The following SLC17A5 variants were observed in gnomAD, a reference collection of about 807,000 sequenced individuals.
SLC17A5 encodes the protein sialin.
A neutral mutation model predicts 59.4 loss-of-function variants in SLC17A5; 47 were observed. The ratio of observed to expected loss-of-function variants is 0.79; its 90% confidence interval spans 0.63 to 1.01. The LOEUF (loss-of-function observed/expected upper bound fraction) is 1.01. Among genes scored for constraint, SLC17A5 ranks in the 50% least tolerant of loss-of-function variants. The pLI is 0.00. For missense variants in SLC17A5, 522 were observed against 595.5 expected (o/e 0.88, Z 1.28); for synonymous variants, 202 against 210.7 (o/e 0.96, Z 0.36).
At chr6:73,652,100 A>G (rs77035408) in intron 1 of SLC17A5, among the ~76,000 whole-genome samples, 230 of 152,306 alleles carry the variant, frequency 1.5e-3, no homozygotes, top group African/African-American at 5.3e-3. Flanking sequence ...TAGCAAAAAC[A>G]GTATGTTACT....
intron 2 of SLC17A5, among the ~76,000 whole-genome samples, 196 bp downstream of exon 2, chr6:73,644,211 G>C (rs1333147221): frequency 6.6e-6 from 1 of 152,196 alleles, no homozygotes; most frequent in Non-Finnish European, 1.5e-5. Flanking sequence ...AGATGAAGGT[G>C]TATTACGGCA....
chr6:73,652,953 A>G (rs1769936898), intron 1 of SLC17A5: 4 of 754,726 alleles, frequency 5.3e-6, no homozygotes, highest in African/African-American at 1.9e-5. Flanking sequence ...ACTATATTAC[A>G]AAAGTGTCAA....
intron 2 of SLC17A5, among the ~76,000 whole-genome samples, chr6:73,642,734 G>A (rs1345251390): frequency 1.3e-5 from 2 of 152,214 alleles, no homozygotes; most frequent in East Asian, 3.8e-4. Context: ...AAGCCAACAT[G>A]TCAAGAACCA....
chr6:73,625,009 T>C (rs1184537356), intron 6 of SLC17A5, among the ~76,000 whole-genome samples: 1 of 152,162 alleles, frequency 6.6e-6, no homozygotes, highest in African/African-American at 2.4e-5. Flanking sequence ...GCTAAGACTG[T>C]TGTTTTTCTC....
chr6:73,649,380 G>A (rs1769742389), intron 1 of SLC17A5, among the ~76,000 whole-genome samples: 2 of 152,198 alleles, frequency 1.3e-5, no homozygotes, highest in Non-Finnish European at 2.9e-5. Flanking sequence ...AGATGGGGAA[G>A]GATTGCTTGA....
chr6:73,623,554 G>A (rs1368747963), intron 6 of SLC17A5, among the ~76,000 whole-genome samples: 5 of 151,842 alleles, frequency 3.3e-5, no homozygotes, highest in African/African-American at 4.8e-5. Flanking sequence ...GGCTGGTTTC[G>A]AACTCCTGAC....
At chr6:73,629,439 C>T (rs1333083079) in intron 6 of SLC17A5, among the ~76,000 whole-genome samples, 1 of 151,666 alleles carries the variant, frequency 6.6e-6, no homozygotes, top group Non-Finnish European at 1.5e-5. Context: ...AACCCAGAAC[C>T]AACCAAACAA....
At chr6:73,629,338 G>A (rs111461911) in intron 6 of SLC17A5, among the ~76,000 whole-genome samples, 3,882 of 152,248 alleles carry the variant, frequency 0.025, 162 homozygotes, top group African/African-American at 0.088. Flanking sequence ...GCTGCAGTGA[G>A]CCAAGATCAT....
chr6:73,602,482 C>T (rs1340709454), intron 9 of SLC17A5, among the ~76,000 whole-genome samples: 1 of 151,528 alleles, frequency 6.6e-6, no homozygotes, highest in Non-Finnish European at 1.5e-5. Flanking sequence ...AAAACATTAA[C>T]ATTAGAGGAA....
chr6:73,600,230 G>A, intron 10 of SLC17A5, 121 bp downstream of exon 10: 1 of 813,004 alleles, frequency 1.2e-6, no homozygotes, highest in East Asian at 2.7e-5. Flanking sequence ...TTAGCTTTTT[G>A]TTGCTAAAAA....
intron 9 of SLC17A5, among the ~76,000 whole-genome samples, chr6:73,601,852 CG>C (rs1350056821): frequency 6.6e-6 from 1 of 150,580 alleles, no homozygotes; most frequent in African/African-American, 2.4e-5. Flanking sequence ...CCGCCCCGTC[CG>C]GGAGGTGAGG....
intron 10 of SLC17A5, among the ~76,000 whole-genome samples, chr6:73,598,669 T>C (rs573464319): frequency 6.6e-6 from 1 of 151,924 alleles, no homozygotes; most frequent in African/African-American, 2.4e-5. Context: ...GGTAAGTGTG[T>C]GCTTTTCCTT....
chr6:73,608,295 T>G (rs574854645), intron 9 of SLC17A5, among the ~76,000 whole-genome samples: 12 of 152,268 alleles, frequency 7.9e-5, no homozygotes, highest in South Asian at 6.2e-4. Context: ...TGACTCAGTT[T>G]GGGTCAACCA....
rs201268144 is a variant in SLC17A5, at chr6:73,602,451, T to TAACAAC, written c.1260-2016_1260-2011dup. 3.6e-4 allele frequency among the ~76,000 whole-genome samples: 54 copies of TAACAAC among 149,988 alleles called. 1 individual carries two copies. Among genetic ancestry groups the TAACAAC allele is most frequent in the South Asian group, 4.2e-4 (2 of 4,774 alleles). ...AATGATCAATAAAAAAAATAAAAAT[T>TAACAAC]AACAACAACAACAACAACAAAAAAC... On this transcript the variant is annotated intron_variant, in intron 9 of 10. Coordinates refer to ENST00000355773, the MANE Select transcript of SLC17A5 (RefSeq NM_012434.5).
chr6:73,601,111 C>A (rs1175811922), intron 9 of SLC17A5, among the ~76,000 whole-genome samples: 2 of 151,184 alleles, frequency 1.3e-5, no homozygotes, highest in South Asian at 2.1e-4. Flanking sequence ...CGCCTCTTCC[C>A]GGCAGCCATC....
chr6:73,605,255 TAAAA>T (rs1021093531), intron 9 of SLC17A5, among the ~76,000 whole-genome samples: 8 of 151,968 alleles, frequency 5.3e-5, no homozygotes, highest in African/African-American at 1.9e-4. Flanking sequence ...GCTACCTTGT[TAAAA>T]AAAACAAAAC....
intron 6 of SLC17A5, among the ~76,000 whole-genome samples, chr6:73,627,922 CTTTT>C (rs10672268): frequency 7.1e-6 from 1 of 140,866 alleles, no homozygotes. Flanking sequence ...GTGCCTGCCA[CTTTT>C]TTTTTTTTTT....
At chr6:73,631,348 G>A (rs934488296) in intron 6 of SLC17A5, among the ~76,000 whole-genome samples, 3 of 151,746 alleles carry the variant, frequency 2.0e-5, no homozygotes, top group African/African-American at 7.3e-5. Flanking sequence ...TACAAAAAAT[G>A]CGAAACATCT....
At chr6:73,642,143 G>C (rs1769315254) in intron 2 of SLC17A5, among the ~76,000 whole-genome samples, 1 of 152,198 alleles carries the variant, frequency 6.6e-6, no homozygotes, top group Admixed American at 6.5e-5. Flanking sequence ...CTTCAAGAAG[G>C]CTTGCAATTT....
Sources: gnomAD v4.1 joint callset for allele counts (sites outside exome capture counted in the v4.1 genomes callset) on GRCh38, gnomAD v4.1.1 for gene constraint, MANE v1.5 for transcripts, NCBI Gene and HGNC (gene_info 2026-07-23, HGNC 2026-07-21) for gene names.